The following ATP10A variants were observed in gnomAD, a reference collection of about 807,000 sequenced individuals.
ATP10A encodes ATPase phospholipid transporting 10A (putative), also known as phospholipid-transporting ATPase VA.
ATP10A carries 111 observed loss-of-function variants against 147.8 expected under a neutral mutation model. The observed-to-expected ratio is 0.75, with a 90% CI of 0.64 to 0.88. The LOEUF (loss-of-function observed/expected upper bound fraction) is 0.88, where lower values mean the gene tolerates loss of function less well. ATP10A is among the 40% of genes least tolerant of loss of function. ATP10A has a pLI of 0.00. For missense variants in ATP10A, 1,927 were observed against 1,959.0 expected (o/e 0.98, Z 0.31); for synonymous variants, 875 against 841.6 (o/e 1.04, Z -0.69).
At chr15:25,864,278 C>A (rs143892762), upstream of ATP10A, among the ~76,000 whole-genome samples, 137 of 152,300 alleles carry the variant, frequency 9.0e-4, no homozygotes, top group Non-Finnish European at 1.8e-3. Flanking sequence ...GAGTCCCCCA[C>A]GTCCGCAGTG....
chr15:25,823,577 A>G (rs1291726031), intron 1 of ATP10A, among the ~76,000 whole-genome samples: 2 of 152,196 alleles, frequency 1.3e-5, no homozygotes, highest in Admixed American at 6.5e-5. Context: ...GACTGGACCA[A>G]ATTGTTTCTA....
At chr15:25,819,036 G>A (rs1004044856) in intron 1 of ATP10A, among the ~76,000 whole-genome samples, 9 of 152,082 alleles carry the variant, frequency 5.9e-5, no homozygotes, top group Non-Finnish European at 1.0e-4. Context: ...AATTCATGAC[G>A]AAGACCTCAA....
chr15:25,700,589 C>T (rs935751868), intron 13 of ATP10A, among the ~76,000 whole-genome samples: 4 of 152,138 alleles, frequency 2.6e-5, no homozygotes, highest in Non-Finnish European at 5.9e-5. Context: ...AAGTTACACA[C>T]TGGAGTATTC....
intron 1 of ATP10A, among the ~76,000 whole-genome samples, chr15:25,792,929 G>A (rs1300410849): frequency 4.0e-5 from 6 of 149,346 alleles, no homozygotes; most frequent in Admixed American, 2.0e-4. Flanking sequence ...GGAGTGCAGT[G>A]GTGCGATCCT....
At chr15:25,731,191 A>G (rs907351663) in intron 3 of ATP10A, among the ~76,000 whole-genome samples, 10 of 152,248 alleles carry the variant, frequency 6.6e-5, no homozygotes, top group Non-Finnish European at 1.3e-4. Context: ...GAGGCTCTCC[A>G]GGTCAGAAGC....
Position 25,725,947 on chromosome 15 carries a change from T to C in ATP10A, c.979+4A>G. The C allele has an allele frequency of 1.2e-6, 2 of 1,612,532 alleles. No homozygotes were observed. Among genetic ancestry groups the C allele is most frequent in the Non-Finnish European group, 1.7e-6 (2 of 1,179,006 alleles). ...CTCATTTCCGATCCATCTAGGAGACTTACCGACTGCTGAAAACAGAGACAT... is the reference window on the plus strand; with the variant it reads ...CTCATTTCCGATCCATCTAGGAGACCTACCGACTGCTGAAAACAGAGACAT... On this transcript the variant is annotated splice_donor_region_variant and intron_variant, in intron 5 of 20. Coordinates refer to ENST00000555815, the MANE Select transcript of ATP10A (RefSeq NM_024490.4).
chr15:25,806,458 G>A (rs12595820), intron 1 of ATP10A, among the ~76,000 whole-genome samples: 81,144 of 151,122 alleles, frequency 0.54, 23,007 homozygotes, highest in East Asian at 0.8. Context: ...GACTATAGGC[G>A]CCTGCCACCA....
chr15:25,832,188 G>T (rs1025441698), intron 1 of ATP10A, among the ~76,000 whole-genome samples: 4 of 152,194 alleles, frequency 2.6e-5, no homozygotes, highest in Non-Finnish European at 5.9e-5. Flanking sequence ...GGCAAAGAAG[G>T]ATTTTTCTCT....
intron 1 of ATP10A, among the ~76,000 whole-genome samples, chr15:25,803,669 C>T (rs1304435020): frequency 1.3e-5 from 2 of 151,764 alleles, no homozygotes; most frequent in African/African-American, 4.9e-5. Context: ...TGTGGTCATC[C>T]TGCTTGCACT....
chr15:25,840,891 T>C (rs1161821919), intron 1 of ATP10A, among the ~76,000 whole-genome samples: 1 of 152,218 alleles, frequency 6.6e-6, no homozygotes, highest in Non-Finnish European at 1.5e-5. Context: ...ATTTCCCTGT[T>C]TTGTAAAGAT....
chr15:25,711,771 C>T (rs1901435677), intron 10 of ATP10A, among the ~76,000 whole-genome samples: 1 of 152,180 alleles, frequency 6.6e-6, no homozygotes, highest in Non-Finnish European at 1.5e-5. Context: ...ATGGGAAGCT[C>T]CCTTCCTGAG....
chr15:25,721,976 C>T, intron 6 of ATP10A, 67 bp from the exon 7 acceptor site: 1 of 1,501,144 alleles, frequency 6.7e-7, no homozygotes, highest in Non-Finnish European at 9.1e-7. Context: ...TTACTCAAAT[C>T]TATTTAAATA....
In ATP10A at chr15:25,714,236, C is replaced by T. The variant is rs572968049; in HGVS notation, c.1782G>A (p.Arg594=). The T allele has an allele frequency of 1.9e-6, 3 of 1,599,252 alleles. No homozygotes were observed. Among genetic ancestry groups the T allele is most frequent in the African/African-American group, 2.7e-5 (2 of 75,016 alleles). The change falls in exon 10 of 21, where the codon AGG becomes AGA. Residue 594 remains arginine (R), a synonymous_variant. Transcript: ENST00000555815. ...CCGGGGACTTCAGCTCAAACCTCAC[C>T]CTCACCTGCAAGAGAAATGGTCAGA... The part of the protein sequence containing the change: ...TSPDQPRTKV[R]VRFELKSPVK...
chr15:25,836,611 C>G lies in ATP10A; in HGVS notation c.449+26037G>C, dbSNP rs545922379. On this transcript the variant is annotated intron_variant, in intron 1 of 20. Coordinates refer to ENST00000555815, the MANE Select transcript of ATP10A (RefSeq NM_024490.4). ...GAAGGGTGTCTTCCAGGCAGCGCGG[C>G]CAGAGCTGAGCAGCCTCCCTGTTCC... Among the ~76,000 whole-genome samples the G allele has an allele frequency of 2.0e-5, 3 of 152,340 alleles. No individual in the cohort carries two copies. In the South Asian group the frequency reaches 6.2e-4, roughly 32 times the overall value.
At chr15:25,702,685 C>T (rs1049119661) in intron 12 of ATP10A, among the ~76,000 whole-genome samples, 1 of 151,688 alleles carries the variant, frequency 6.6e-6, no homozygotes, top group African/African-American at 2.4e-5. Flanking sequence ...CAGGTTTTGC[C>T]TTTTTGGTCT....
At chr15:25,727,495 G>C (rs560264886) in intron 3 of ATP10A, among the ~76,000 whole-genome samples, 34 of 152,084 alleles carry the variant, frequency 2.2e-4, no homozygotes, top group Non-Finnish European at 4.4e-4. Flanking sequence ...TCCAGAAGCA[G>C]CTCTAGAGCC....
At chr15:25,786,886 C>A (rs182752821) in intron 1 of ATP10A, among the ~76,000 whole-genome samples, 79 of 151,338 alleles carry the variant, frequency 5.2e-4, no homozygotes, top group African/African-American at 1.8e-3. Context: ...CTGCCCGTCT[C>A]GGCCTCCCAA....
intron 6 of ATP10A, among the ~76,000 whole-genome samples, chr15:25,722,374 A>G (rs543565837): frequency 8.5e-5 from 13 of 152,322 alleles, no homozygotes; most frequent in Admixed American, 2.6e-4. Context: ...TGCAAACACA[A>G]CAGACAGTCT....
intron 1 of ATP10A, among the ~76,000 whole-genome samples, chr15:25,784,779 A>C (rs372565514): frequency 2.0e-5 from 3 of 152,074 alleles, no homozygotes; most frequent in East Asian, 1.9e-4. Context: ...AAAATTAGCC[A>C]GGTGTGGTGG....
Sources: allele counts gnomAD v4.1 joint callset (sites outside exome capture counted in the v4.1 genomes callset), GRCh38; gene constraint gnomAD v4.1.1; transcripts MANE v1.5; gene names NCBI Gene and HGNC (gene_info 2026-07-23, HGNC 2026-07-21).